UVRAG: variants seen among roughly 807,000 people sequenced by gnomAD.
The protein encoded by UVRAG is UV radiation resistance-associated gene protein.
UVRAG carries 19 observed loss-of-function variants against 78.0 expected under a neutral mutation model. That is an observed-to-expected ratio of 0.24 (90% CI 0.17 to 0.36). The LOEUF is 0.36. Among genes scored for constraint, UVRAG ranks in the 10% least tolerant of loss-of-function variants. The probability of loss-of-function intolerance (pLI) is 1.00; values close to 1 mark genes in which losing one functional copy is unlikely to be tolerated. For synonymous variants in UVRAG, 323 were observed against 324.6 expected (o/e 1.00, Z 0.05); for missense variants, 740 against 853.8 (o/e 0.87, Z 1.66).
At chr11:75,870,091 T>C (rs1273854086) in intron 3 of UVRAG, among the ~76,000 whole-genome samples, 3 of 152,164 alleles carry the variant, frequency 2.0e-5, no homozygotes, top group Non-Finnish European at 4.4e-5. Flanking sequence ...AAAAAAATCA[T>C]CTGGGTCTAT....
At chr11:76,078,967 T>C (rs1951450797) in intron 13 of UVRAG, among the ~76,000 whole-genome samples, 1 of 151,854 alleles carries the variant, frequency 6.6e-6, no homozygotes, top group Non-Finnish European at 1.5e-5. Context: ...TCCATCACTT[T>C]TAACTTGCCA....
intron 5 of UVRAG, among the ~76,000 whole-genome samples, chr11:75,890,440 A>G (rs1380007835): frequency 6.6e-6 from 1 of 152,236 alleles, no homozygotes; most frequent in Non-Finnish European, 1.5e-5. Context: ...AATTTAAGGC[A>G]TAAGAAAAAG....
intron 9 of UVRAG, 99 bp downstream of exon 9, chr11:76,004,188 A>T (rs1199087555): frequency 8.7e-7 from 1 of 1,148,424 alleles, no homozygotes. Flanking sequence ...ATTAATTTAT[A>T]GCCCATATAC....
intron 12 of UVRAG, among the ~76,000 whole-genome samples, chr11:76,064,982 A>G (rs1356794026): frequency 2.0e-5 from 3 of 152,238 alleles, no homozygotes; most frequent in Admixed American, 6.5e-5. Context: ...TGACTAGACT[A>G]TAGGTATGCT....
At chr11:75,966,345 A>G (rs1361782864) in intron 7 of UVRAG, among the ~76,000 whole-genome samples, 2 of 152,130 alleles carry the variant, frequency 1.3e-5, no homozygotes, top group Non-Finnish European at 2.9e-5. Flanking sequence ...TTGTGATACA[A>G]TGTTTTGAAT....
chr11:75,990,988 C>T (rs895065797), intron 8 of UVRAG, among the ~76,000 whole-genome samples: 1 of 152,136 alleles, frequency 6.6e-6, no homozygotes, highest in Non-Finnish European at 1.5e-5. Context: ...TCTCTAACTT[C>T]TAGTTTATCA....
chr11:75,900,062 A>T (rs546164201), intron 5 of UVRAG, among the ~76,000 whole-genome samples: 1 of 152,274 alleles, frequency 6.6e-6, no homozygotes, highest in South Asian at 2.1e-4. Context: ...GTTTCCTGTT[A>T]TGAATTTGGA....
chr11:75,881,603 C>G (rs1258228060), intron 4 of UVRAG, among the ~76,000 whole-genome samples: 2 of 152,132 alleles, frequency 1.3e-5, no homozygotes, highest in African/African-American at 2.4e-5. Flanking sequence ...TTTCCTTTCA[C>G]ATTGGGTTTT....
At chr11:75,880,171 A>G (rs1590968683) in intron 4 of UVRAG, 131 bp downstream of exon 4, 2 of 992,790 alleles carry the variant, frequency 2.0e-6, no homozygotes, top group Admixed American at 2.5e-5. Flanking sequence ...TTATATCACT[A>G]AGAGAGACCT....
intron 12 of UVRAG, among the ~76,000 whole-genome samples, chr11:76,046,867 A>G (rs1213312026): frequency 6.6e-6 from 1 of 152,226 alleles, no homozygotes; most frequent in Non-Finnish European, 1.5e-5. Context: ...GAATGGAGAT[A>G]AAGCTCTAGG....
chr11:76,022,781 T>G lies in UVRAG; in HGVS notation c.1226+5801T>G, dbSNP rs536281066. On this transcript the variant is annotated intron_variant, in intron 12 of 14. Coordinates refer to ENST00000356136, the MANE Select transcript of UVRAG (RefSeq NM_003369.4). The stretch of plus-strand genomic sequence containing the variant: ...CACTTAGTTACTGGTAGGGAAAAAC[T>G]TACTTATGCCACTTTGCTATTTGTT... Among the ~76,000 whole-genome samples the G allele has an allele frequency of 2.6e-5, 4 of 152,320 alleles. No homozygotes were observed. In the East Asian group the frequency reaches 7.7e-4, roughly 29 times the overall value.
At chr11:76,075,270 A>G (rs562740607) in intron 13 of UVRAG, among the ~76,000 whole-genome samples, 4 of 152,242 alleles carry the variant, frequency 2.6e-5, no homozygotes, top group African/African-American at 9.6e-5. Flanking sequence ...TTTAAAAAAA[A>G]GTTTACTGAG....
At chr11:75,975,174 G>T (rs1163757619) in intron 7 of UVRAG, among the ~76,000 whole-genome samples, 1 of 152,184 alleles carries the variant, frequency 6.6e-6, no homozygotes, top group South Asian at 2.1e-4. Flanking sequence ...TCAGATGGTT[G>T]TAGATGTGTG....
At chr11:76,105,766 A>T (rs781204956) in intron 13 of UVRAG, among the ~76,000 whole-genome samples, 3 of 152,116 alleles carry the variant, frequency 2.0e-5, no homozygotes, top group Non-Finnish European at 4.4e-5. Context: ...AAAATAAATA[A>T]ATAAAATAAA....
chr11:75,922,481 A>G (rs1398278333), intron 6 of UVRAG, among the ~76,000 whole-genome samples: 1 of 152,132 alleles, frequency 6.6e-6, no homozygotes, highest in Non-Finnish European at 1.5e-5. Context: ...CAGTAAAAGG[A>G]TAGGCTTTTC....
chr11:75,960,610 T>TA (rs1211057686), intron 6 of UVRAG, among the ~76,000 whole-genome samples: 1 of 151,794 alleles, frequency 6.6e-6, no homozygotes, highest in Non-Finnish European at 1.5e-5. Context: ...CTGCAAAAAA[T>TA]ACAAAAATTA....
At chr11:75,903,106 CCT>C (rs940651249) in intron 5 of UVRAG, among the ~76,000 whole-genome samples, 62 of 152,124 alleles carry the variant, frequency 4.1e-4, no homozygotes, top group African/African-American at 1.5e-3. Context: ...TCCTCCTCCT[CCT>C]CTCTCTTTTT....
intron 12 of UVRAG, among the ~76,000 whole-genome samples, chr11:76,028,049 G>A (rs1950362048): frequency 6.6e-6 from 1 of 152,058 alleles, no homozygotes; most frequent in Non-Finnish European, 1.5e-5. Flanking sequence ...TCTGTCAGTG[G>A]TATTTTTCCA....
intron 7 of UVRAG, among the ~76,000 whole-genome samples, chr11:75,981,214 C>T (rs1238126221): frequency 2.6e-5 from 4 of 151,998 alleles, no homozygotes; most frequent in East Asian, 1.9e-4. Flanking sequence ...CAGGTTCAAG[C>T]GATTTTTCCG....
Sources: gnomAD v4.1 joint callset for allele counts (sites outside exome capture counted in the v4.1 genomes callset) on GRCh38, gnomAD v4.1.1 for gene constraint, MANE v1.5 for transcripts, NCBI Gene and HGNC (gene_info 2026-07-23, HGNC 2026-07-21) for gene names.